CFI: variants seen among roughly 807,000 people sequenced by gnomAD.
CFI encodes the protein complement factor I, also known as C3B/C4B inactivator.
In CFI, 66 loss-of-function variants were observed where a neutral mutation model predicts 78.8. The observed-to-expected ratio is 0.84, with a 90% CI of 0.69 to 1.03. CFI has a LOEUF of 1.03. CFI is among the 50% of genes least tolerant of loss of function. The pLI, the probability that CFI is intolerant of heterozygous loss-of-function variation, is 0.00. For synonymous variants in CFI, 250 were observed against 232.6 expected (o/e 1.07, Z -0.68); for missense variants, 706 against 704.5 (o/e 1.00, Z -0.02).
At position 109,789,134 on chromosome 4, in the gene CFI, A is replaced by G. The variant is rs114067641; in HGVS notation, c.57+12781T>C. On this transcript the variant is annotated intron_variant, in intron 1 of 12. Coordinates refer to ENST00000394634, the MANE Select transcript of CFI (RefSeq NM_000204.5). ...AAAAGACTGGGAAACTTAAAGACAT[A>G]TCAATGGAAACTACAATAAAATTTT... Among the ~76,000 whole-genome samples, 469 of 152,140 alleles carry G rather than the reference A, an allele frequency of 3.1e-3. 7 individuals are homozygous for G. Among genetic ancestry groups the G allele is most frequent in the African/African-American group, 0.011 (449 of 41,562 alleles).
chr4:109,741,517 A>G (rs1723790208), intron 12 of CFI: 2 of 222,080 alleles, frequency 9.0e-6, no homozygotes, highest in South Asian at 1.6e-4. Context: ...TATTGCCCCT[A>G]TTTTATACAT....
intron 1 of CFI, among the ~76,000 whole-genome samples, chr4:109,799,093 T>C (rs778219874): frequency 2.0e-5 from 3 of 152,114 alleles, no homozygotes; most frequent in Non-Finnish European, 4.4e-5. Flanking sequence ...TTTCTGAGCA[T>C]GTATCCTGCC....
Position 109,761,500 on chromosome 4 carries a change from G to A in CFI, c.658+17C>T. On this transcript the variant is annotated intron_variant, in intron 4 of 12. Coordinates refer to ENST00000394634, the MANE Select transcript of CFI (RefSeq NM_000204.5). Reference sequence around the variant, plus strand: ...ACCTTCAAGGAAGGGAAAATAACAGGCAAATACTCCACCAACCTGCTTTCT... The same window carrying A: ...ACCTTCAAGGAAGGGAAAATAACAGACAAATACTCCACCAACCTGCTTTCT... The A allele has an allele frequency of 6.2e-7, 1 of 1,612,908 alleles. No homozygotes were observed. The highest frequency in any genetic ancestry group is 8.5e-7 in the Non-Finnish European group (1 of 1,179,018).
At position 109,760,535 on chromosome 4, in the gene CFI, G is replaced by A. The variant is rs200881799; in HGVS notation, c.760C>T (p.Leu254=). 1 of 1,586,932 alleles carries A rather than the reference G, an allele frequency of 6.3e-7. No individual in the cohort carries two copies. Among genetic ancestry groups the A allele is most frequent in the Non-Finnish European group, 8.7e-7 (1 of 1,155,274 alleles). The change falls in exon 5 of 13, where the codon CTG becomes TTG. Residue 254 remains leucine (L), a synonymous_variant. Coordinates refer to ENST00000394634, the MANE Select transcript of CFI (RefSeq NM_000204.5). ...INDCGDQSDE[L]CCKACQGKGF... The stretch of plus-strand genomic sequence containing the variant: ...GATTTATGTCTACCTTTACAACACA[G>A]TTCATCACTTTGGTCTCCACAATCA...
intron 1 of CFI, among the ~76,000 whole-genome samples, chr4:109,797,072 A>G (rs574750889): frequency 6.6e-6 from 1 of 152,362 alleles, no homozygotes; most frequent in African/African-American, 2.4e-5. Context: ...TAGAAAATAT[A>G]ATTCTAAAAT....
rs553631219 is a variant in CFI at position 109,791,420 on chromosome 4, T to G, written c.57+10495A>C. ...TGTTCACTCTGCTGATAATTTATTT[T>G]GCTGTGCAGAAGCTCTTTAGTTTAA... On this transcript the variant is annotated intron_variant, in intron 1 of 12. Transcript: ENST00000394634. Among the ~76,000 whole-genome samples, 3 of 152,320 alleles carry G rather than the reference T, an allele frequency of 2.0e-5. No homozygotes were observed. In the South Asian group the frequency reaches 6.2e-4, roughly 32 times the overall value.
At chr4:109,760,838 A>G (rs565632838) in intron 4 of CFI, among the ~76,000 whole-genome samples, 31 of 152,356 alleles carry the variant, frequency 2.0e-4, no homozygotes, top group Non-Finnish European at 5.9e-5. Flanking sequence ...CTCTTCTATT[A>G]TCTCTGAAAG....
At chr4:109,789,835 G>A (rs1437019844) in intron 1 of CFI, among the ~76,000 whole-genome samples, 1 of 152,064 alleles carries the variant, frequency 6.6e-6, no homozygotes, top group Non-Finnish European at 1.5e-5. Flanking sequence ...CTCGCGGAAT[G>A]CATAGGAAGT....
In CFI at chr4:109,757,098, G is replaced by A. The variant is rs541575218; in HGVS notation, c.904+665C>T. Among the ~76,000 whole-genome samples, 3 of 151,552 alleles carry A rather than the reference G, an allele frequency of 2.0e-5. No homozygotes were observed. In the South Asian group the frequency reaches 6.3e-4, roughly 32 times the overall value. On this transcript the variant is annotated intron_variant, in intron 7 of 12. Transcript: ENST00000394634. ...GGCTGGAGTGCAGTGACGCGGTCTC[G>A]GCTCACTGCAAGCTCCGCCTCCCGG...
At chr4:109,789,585 A>C (rs2125861089) in intron 1 of CFI, among the ~76,000 whole-genome samples, 1 of 152,230 alleles carries the variant, frequency 6.6e-6, no homozygotes, top group East Asian at 1.9e-4. Context: ...ATCATTCAAA[A>C]ATTTAGGCAA....
At chr4:109,770,398 A>G (rs915777276) in intron 1 of CFI, among the ~76,000 whole-genome samples, 2 of 151,916 alleles carry the variant, frequency 1.3e-5, no homozygotes, top group Non-Finnish European at 2.9e-5. Context: ...CATCTCTACT[A>G]AAAATACAAA....
chr4:109,754,109 G>A (rs368198857), intron 7 of CFI, among the ~76,000 whole-genome samples: 3 of 151,498 alleles, frequency 2.0e-5, no homozygotes, highest in Admixed American at 1.3e-4. Context: ...TCAGCCTCCC[G>A]AGTAGCTGGG....
chr4:109,757,772 C>G lies in CFI; in HGVS notation c.895G>C (p.Val299Leu), dbSNP rs758317982. The G allele has an allele frequency of 3.4e-6, 5 of 1,456,764 alleles. No homozygotes were observed. The South Asian group carries it at 5.8e-5, about 17-fold the overall frequency. 90.2% of individuals were successfully genotyped at this position (1,456,764 alleles called of 1,614,324 possible). A position where few individuals can be genotyped will look rare whatever the true frequency, so the allele number is the denominator to read the frequency against. The change falls in exon 7 of 13, where the codon GTG becomes CTG. Residue 299 changes from valine (V) to leucine (L), a missense_variant. Val to Leu is a conservative substitution (Grantham distance 32). Coordinates refer to ENST00000394634, the MANE Select transcript of CFI (RefSeq NM_000204.5). ...DEVGCAGFAS[V>L]TQEETEILTA... is the part of the protein sequence containing the mutation. ...TTAATAAAAATTTTACCTTGAGTCA[C>G]AGATGCAAAGCCTGAAGAAAACAAA... is the stretch of plus-strand genomic sequence containing the variant.
intron 1 of CFI, among the ~76,000 whole-genome samples, chr4:109,799,472 T>C (rs1277808662): frequency 6.6e-6 from 1 of 152,194 alleles, no homozygotes; most frequent in African/African-American, 2.4e-5. Context: ...GGTCAGTGTT[T>C]GCTGCACCAG....
chr4:109,791,313 T>G (rs1403945825), intron 1 of CFI, among the ~76,000 whole-genome samples: 1 of 152,186 alleles, frequency 6.6e-6, no homozygotes, highest in African/African-American at 2.4e-5. Context: ...TGTAAATTTG[T>G]TTAAGTTCCT....
At chr4:109,755,490 G>A (rs1314545167) in intron 7 of CFI, among the ~76,000 whole-genome samples, 1 of 152,124 alleles carries the variant, frequency 6.6e-6, no homozygotes, top group Non-Finnish European at 1.5e-5. Context: ...CTAATAAGAA[G>A]GGATTAGGTC....
chr4:109,763,572 C>A (rs1727348097), intron 3 of CFI, among the ~76,000 whole-genome samples: 1 of 151,988 alleles, frequency 6.6e-6, no homozygotes, highest in South Asian at 2.1e-4. Context: ...TAAAACAAAT[C>A]TAGATATGTG....
At chr4:109,744,726 C>G (rs935205620) in intron 11 of CFI, among the ~76,000 whole-genome samples, 16 of 152,046 alleles carry the variant, frequency 1.1e-4, no homozygotes, top group Non-Finnish European at 1.9e-4. Flanking sequence ...TGTAATGAAC[C>G]CTTTTATAAA....
intron 10 of CFI, 91 bp downstream of exon 10, chr4:109,749,126 CT>C: frequency 1.7e-6 from 2 of 1,155,528 alleles, no homozygotes; most frequent in Admixed American, 1.7e-5. Flanking sequence ...TTGTCAGTAC[CT>C]TTTTCAGATA....
Sources: gnomAD v4.1 joint callset for allele counts (sites outside exome capture counted in the v4.1 genomes callset) on GRCh38, gnomAD v4.1.1 for gene constraint, MANE v1.5 for transcripts, NCBI Gene and HGNC (gene_info 2026-07-23, HGNC 2026-07-21) for gene names.